Variants in DACH2 observed in about 807,000 individuals in gnomAD.
DACH2 encodes dachshund family transcription factor 2, also known as dachshund homolog 2.
Under a neutral mutation model 35.8 loss-of-function variants are expected in DACH2, and 17 were observed. The observed-to-expected ratio is 0.48, with a 90% CI of 0.33 to 0.71. The LOEUF (loss-of-function observed/expected upper bound fraction) is 0.71. Ranked by LOEUF, DACH2 falls within the 30% of genes least tolerant of loss-of-function variation. The pLI, the probability that DACH2 is intolerant of heterozygous loss-of-function variation, is 0.02. For missense variants in DACH2, 469 were observed against 472.7 expected, an observed-to-expected ratio of 0.99 and a Z score of 0.07; for synonymous variants, 195 against 177.3, an observed-to-expected ratio of 1.10 and a Z score of -0.79.
intron 3 of DACH2, among the ~76,000 whole-genome samples, chrX:86,627,437 A>G (rs2040151254): frequency 1.8e-5 from 2 of 111,889 alleles, no homozygotes; most frequent in African/African-American, 3.2e-5. Context: ...TTCTAGTACA[A>G]TAACTATACA....
chrX:86,570,490 G>A (rs991979935), intron 3 of DACH2, among the ~76,000 whole-genome samples: 20 of 111,241 alleles, frequency 1.8e-4, no homozygotes, highest in South Asian at 1.5e-3. Context: ...ATGCAGGAAC[G>A]GAAAACGAAA....
At chrX:86,254,801 T>G (rs868124461) in intron 1 of DACH2, among the ~76,000 whole-genome samples, 12 of 67,414 alleles carry the variant, frequency 1.8e-4, no homozygotes, top group East Asian at 1.0e-3. Flanking sequence ...TATATATATA[T>G]ATATATAGAG....
chrX:86,557,387 C>T (rs958220352), intron 3 of DACH2, among the ~76,000 whole-genome samples: 12 of 109,525 alleles, frequency 1.1e-4, no homozygotes, highest in Admixed American at 7.9e-4. Flanking sequence ...ATGCCTCCAG[C>T]TTTGTTCTTT....
intron 3 of DACH2, among the ~76,000 whole-genome samples, chrX:86,594,783 T>C (rs1486124736): frequency 1.8e-5 from 2 of 111,943 alleles, no homozygotes; most frequent in East Asian, 5.6e-4. Flanking sequence ...AAATATCAAG[T>C]AGAGCCAGTT....
At chrX:86,612,375 C>T (rs1168179793) in intron 3 of DACH2, among the ~76,000 whole-genome samples, 2 of 110,203 alleles carry the variant, frequency 1.8e-5, no homozygotes, top group Non-Finnish European at 3.8e-5. Context: ...TTGTGTACCT[C>T]CCTAGTCCAC....
At chrX:86,341,824 T>C (rs1399729470) in intron 1 of DACH2, among the ~76,000 whole-genome samples, 1 of 111,841 alleles carries the variant, frequency 8.9e-6, no homozygotes, top group Non-Finnish European at 1.9e-5. Flanking sequence ...CAGTGGAGGA[T>C]GTAACTGCAG....
intron 3 of DACH2, among the ~76,000 whole-genome samples, chrX:86,524,447 T>C (rs2038602867): frequency 8.9e-6 from 1 of 112,378 alleles, no homozygotes; most frequent in Non-Finnish European, 1.9e-5. Flanking sequence ...CATTGCATTT[T>C]CTTTAATTCT....
At chrX:86,518,802 C>A (rs2038510190) in intron 3 of DACH2, among the ~76,000 whole-genome samples, 1 of 111,879 alleles carries the variant, frequency 8.9e-6, no homozygotes, top group Non-Finnish European at 1.9e-5. Context: ...GGGGCTGAGA[C>A]AATGGAGTTT....
intron 1 of DACH2, among the ~76,000 whole-genome samples, chrX:86,348,833 G>C (rs766082709): frequency 8.9e-6 from 1 of 112,484 alleles, no homozygotes; most frequent in African/African-American, 3.2e-5. Context: ...TGTGATGGGG[G>C]TGTGGCTCTC....
At chrX:86,781,175 A>G (rs2042085891) in intron 7 of DACH2, among the ~76,000 whole-genome samples, 1 of 111,638 alleles carries the variant, frequency 9.0e-6, no homozygotes, top group Non-Finnish European at 1.9e-5. Flanking sequence ...CACTTGCATA[A>G]TAAGAGCTTG....
chrX:86,304,885 C>T (rs976430084), intron 1 of DACH2: 5 of 127,228 alleles, frequency 3.9e-5, no homozygotes, highest in South Asian at 2.5e-4. Flanking sequence ...TGAACGCTGA[C>T]CACGACCTGT....
At position 86,514,334 on chromosome X, in the gene DACH2, C is replaced by T. The variant is rs777572519; in HGVS notation, c.583C>T (p.Arg195Cys). Residue 195 changes from arginine to cysteine, a missense_variant, in exon 3 of 12, where the codon CGC becomes TGC. Transcript: ENST00000373125. Reference sequence around the variant, plus strand: ...TTTGGGAGTGTTGCAGGAAAATGCCCGCCTTCTGACCCATGCAGTCCCAGG... The same window carrying T: ...TTTGGGAGTGTTGCAGGAAAATGCCTGCCTTCTGACCCATGCAGTCCCAGG... ...RSLGVLQENA[R>C]LLTHAVPGLL... 1.2e-5 allele frequency: 15 copies of T among 1,211,247 alleles called. No homozygotes were observed. The highest frequency in any genetic ancestry group is 1.1e-4 in the South Asian group (6 of 56,842).
chrX:86,320,861 T>C (rs760018554), intron 1 of DACH2, among the ~76,000 whole-genome samples: 1 of 112,316 alleles, frequency 8.9e-6, no homozygotes, highest in South Asian at 3.7e-4. Context: ...TTGCTTTAGC[T>C]GGTTAAAGGC....
At chrX:86,507,847 C>A (rs2038346889) in intron 2 of DACH2, among the ~76,000 whole-genome samples, 1 of 111,125 alleles carries the variant, frequency 9.0e-6, no homozygotes, top group South Asian at 3.8e-4. Context: ...CAACCTGTTA[C>A]AAATAACTAG....
rs756034985 is a variant in DACH2 at position 86,696,056 on chromosome X, A to G, written c.931+877A>G. Among the ~76,000 whole-genome samples, 6 of 112,172 alleles carry G rather than the reference A, an allele frequency of 5.3e-5. No homozygotes were observed. The East Asian group carries it at 8.4e-4, about 16-fold the overall frequency. On this transcript the variant is annotated intron_variant, in intron 5 of 11. Coordinates refer to ENST00000373125, the MANE Select transcript of DACH2 (RefSeq NM_053281.3). ...CTAATGTATACAAATTCAGGTTTAC[A>G]TGATGTTTTAGGGACTTCAAAGACT...
chrX:86,316,119 T>C (rs1391656350), intron 1 of DACH2, among the ~76,000 whole-genome samples: 1 of 84,127 alleles, frequency 1.2e-5, no homozygotes, highest in Non-Finnish European at 2.5e-5. Context: ...GTGCTGTTTT[T>C]TGTTTGTTTG....
intron 2 of DACH2, among the ~76,000 whole-genome samples, chrX:86,494,268 T>G (rs1282005293): frequency 8.9e-6 from 1 of 112,204 alleles, no homozygotes; most frequent in Non-Finnish European, 1.9e-5. Context: ...AAAACTTACT[T>G]GTTTTTAAGG....
intron 3 of DACH2, among the ~76,000 whole-genome samples, chrX:86,538,217 C>T (rs192212061): frequency 9.0e-6 from 1 of 111,494 alleles, no homozygotes; most frequent in East Asian, 2.8e-4. Context: ...ATGTTCTTTA[C>T]TATCCATACT....
chrX:86,762,583 C>T (rs770663719), intron 7 of DACH2, among the ~76,000 whole-genome samples: 13 of 111,635 alleles, frequency 1.2e-4, no homozygotes, highest in African/African-American at 3.9e-4. Context: ...ATTAGAGATC[C>T]ATCTGCATGT....
Sources: allele counts gnomAD v4.1 joint callset (sites outside exome capture counted in the v4.1 genomes callset), GRCh38; gene constraint gnomAD v4.1.1; transcripts MANE v1.5; gene names NCBI Gene and HGNC (gene_info 2026-07-23, HGNC 2026-07-21).